The following SNX29 variants were observed in gnomAD, a reference collection of about 807,000 sequenced individuals.
SNX29 encodes sorting nexin 29, also known as sorting nexin-29.
In SNX29, 78 loss-of-function variants were observed where a neutral mutation model predicts 102.1. The observed-to-expected ratio is 0.76, with a 90% confidence interval of 0.64 to 0.92. The LOEUF (loss-of-function observed/expected upper bound fraction) is 0.92. Among genes scored for constraint, SNX29 ranks in the 40% least tolerant of loss-of-function variants. SNX29 has a pLI of 0.00. For synonymous variants in SNX29, 580 were observed against 414.5 expected, an observed-to-expected ratio of 1.40 and a Z score of -4.85; for missense variants, 1,280 against 1,061.7, an observed-to-expected ratio of 1.21 and a Z score of -2.86.
At chr16:12,554,516 T>C (rs1347985059) in intron 20 of SNX29, among the ~76,000 whole-genome samples, 3 of 152,232 alleles carry the variant, frequency 2.0e-5, no homozygotes, top group Non-Finnish European at 4.4e-5. Flanking sequence ...AGCAGGATGC[T>C]GCATTGAACA....
intron 16 of SNX29, among the ~76,000 whole-genome samples, chr16:12,392,716 C>A (rs2083572353): frequency 6.6e-6 from 1 of 152,152 alleles, no homozygotes; most frequent in African/African-American, 2.4e-5. Context: ...TTACTCCTAG[C>A]AAAGAATCCT....
intron 13 of SNX29, among the ~76,000 whole-genome samples, chr16:12,146,982 A>C (rs1479553242): frequency 6.6e-6 from 1 of 152,244 alleles, no homozygotes; most frequent in African/African-American, 2.4e-5. Context: ...GTGGCATCTC[A>C]GAGCAATCAC....
intron 18 of SNX29, among the ~76,000 whole-genome samples, chr16:12,477,045 C>G (rs567062110): frequency 6.6e-6 from 1 of 152,164 alleles, no homozygotes; most frequent in Non-Finnish European, 1.5e-5. Context: ...CTACTTGCCC[C>G]TGGAAGGTGC....
chr16:12,287,421 C>T (rs1185881838), intron 15 of SNX29, among the ~76,000 whole-genome samples: 2 of 152,052 alleles, frequency 1.3e-5, no homozygotes, highest in African/African-American at 4.8e-5. Context: ...GGCAAAAGAG[C>T]ATAAAGAACT....
At chr16:12,466,337 AT>A (rs1337883381) in intron 18 of SNX29, among the ~76,000 whole-genome samples, 2 of 152,248 alleles carry the variant, frequency 1.3e-5, no homozygotes, top group Admixed American at 6.5e-5. Flanking sequence ...AGCATACAGA[AT>A]CTGGTGTGTT....
chr16:12,459,359 C>G (rs1479310908), intron 18 of SNX29, among the ~76,000 whole-genome samples: 1 of 151,900 alleles, frequency 6.6e-6, no homozygotes, highest in South Asian at 2.1e-4. Flanking sequence ...GGGTGGAACA[C>G]CCTCACGGTG....
chr16:12,459,207 C>T (rs2086671414), intron 18 of SNX29, among the ~76,000 whole-genome samples: 1 of 148,556 alleles, frequency 6.7e-6, no homozygotes, highest in African/African-American at 2.5e-5. Flanking sequence ...GGTTCTGCGT[C>T]TCTGTACTGT....
At chr16:12,396,302 G>T (rs998981212) in intron 16 of SNX29, among the ~76,000 whole-genome samples, 2 of 152,150 alleles carry the variant, frequency 1.3e-5, no homozygotes, top group Non-Finnish European at 2.9e-5. Context: ...GGTCCTTTTG[G>T]TTGCCTTCTG....
In SNX29 at chr16:12,066,256, A is replaced by C. The variant is rs2151289624; in HGVS notation, c.1244-2801A>C. Among the ~76,000 whole-genome samples the C allele has an allele frequency of 1.3e-5, 2 of 152,300 alleles. 1 individual carries two copies. The highest frequency in any genetic ancestry group is 4.1e-4 in the South Asian group (2 of 4,828). ...AGGGAACTGGGGCGTCTGCTGTAGA[A>C]GGCCTCTTAGATGGTATGGAGCCTT... On this transcript the variant is annotated intron_variant, in intron 9 of 20. Coordinates refer to ENST00000566228, the MANE Select transcript of SNX29 (RefSeq NM_032167.5).
intron 11 of SNX29, among the ~76,000 whole-genome samples, chr16:12,095,677 A>G (rs2052737115): frequency 1.3e-5 from 2 of 152,180 alleles, no homozygotes; most frequent in African/African-American, 4.8e-5. Context: ...AGCTGTGGGT[A>G]TTCAGCTTTT....
At chr16:12,060,883 T>A (rs1291031728) in intron 8 of SNX29, 1 of 456,074 alleles carries the variant, frequency 2.2e-6, no homozygotes, top group Admixed American at 2.4e-5. Context: ...TGGTTAATAA[T>A]TGAGCCGACT....
chr16:12,407,923 G>A (rs1334780381), intron 18 of SNX29, among the ~76,000 whole-genome samples: 2 of 152,084 alleles, frequency 1.3e-5, no homozygotes, highest in African/African-American at 4.8e-5. Flanking sequence ...GAGCCTGCAG[G>A]GAGCTACGAT....
At chr16:12,485,533 C>G (rs1463944878) in intron 19 of SNX29, among the ~76,000 whole-genome samples, 2 of 152,158 alleles carry the variant, frequency 1.3e-5, no homozygotes, top group East Asian at 1.9e-4. Context: ...CCGACTGGTA[C>G]TCGCCGAGCC....
intron 15 of SNX29, among the ~76,000 whole-genome samples, chr16:12,355,392 C>T (rs940637844): frequency 2.6e-5 from 4 of 152,092 alleles, no homozygotes; most frequent in South Asian, 2.1e-4. Context: ...GTATTGTTTT[C>T]GCACTGCATA....
intron 20 of SNX29, among the ~76,000 whole-genome samples, chr16:12,549,364 G>T (rs1051555197): frequency 6.6e-6 from 1 of 152,146 alleles, no homozygotes; most frequent in Non-Finnish European, 1.5e-5. Flanking sequence ...GGGTGGTGGT[G>T]TGCACCTGTA....
intron 14 of SNX29, among the ~76,000 whole-genome samples, chr16:12,257,168 G>A (rs1243930068): frequency 6.6e-6 from 1 of 152,134 alleles, no homozygotes; most frequent in Non-Finnish European, 1.5e-5. Flanking sequence ...TCTCAGCTGG[G>A]GGCTGCCCTG....
At chr16:12,408,770 A>C (rs543709286) in intron 18 of SNX29, among the ~76,000 whole-genome samples, 1 of 152,212 alleles carries the variant, frequency 6.6e-6, no homozygotes, top group South Asian at 2.1e-4. Flanking sequence ...CAGTGAGCCA[A>C]GATTGCGCCA....
At chr16:12,487,028 G>A (rs1307332341) in intron 19 of SNX29, among the ~76,000 whole-genome samples, 1 of 152,152 alleles carries the variant, frequency 6.6e-6, no homozygotes, top group African/African-American at 2.4e-5. Context: ...CTATCTGTGT[G>A]GCCTCGGGCA....
In SNX29 at chr16:12,289,298, G is replaced by A. The variant is rs2079713764; in HGVS notation, c.1782+11262G>A. Among the ~76,000 whole-genome samples the A allele has an allele frequency of 2.0e-5, 3 of 152,168 alleles. No homozygotes were observed. In the South Asian group the frequency reaches 6.2e-4, roughly 32 times the overall value. ...TACTGGCACTGTCTTCTTCTCAAGG[G>A]CTCTTCCTTCTTCCCTCCTCTCCCT... On this transcript the variant is annotated intron_variant, in intron 15 of 20. Coordinates refer to ENST00000566228, the MANE Select transcript of SNX29 (RefSeq NM_032167.5).
Sources: gnomAD v4.1 joint callset for allele counts (sites outside exome capture counted in the v4.1 genomes callset) on GRCh38, gnomAD v4.1.1 for gene constraint, MANE v1.5 for transcripts, NCBI Gene and HGNC (gene_info 2026-07-23, HGNC 2026-07-21) for gene names.